Variants in NELL1 observed in about 807,000 individuals in gnomAD.
NELL1 encodes the protein protein kinase C-binding protein NELL1.
In NELL1, 76 loss-of-function variants were observed where a neutral mutation model predicts 107.4. The observed-to-expected ratio is 0.71, with a 90% confidence interval of 0.59 to 0.86. NELL1 has a LOEUF of 0.86. Ranked by LOEUF, NELL1 falls within the 40% of genes least tolerant of loss-of-function variation. The pLI, the probability that NELL1 is intolerant of heterozygous loss-of-function variation, is 0.00. For missense variants in NELL1, 1,024 were observed against 1,005.5 expected (o/e 1.02, Z -0.25); for synonymous variants, 353 against 341.2 (o/e 1.03, Z -0.38).
At chr11:20,970,618 G>T (rs1330810800) in intron 12 of NELL1, among the ~76,000 whole-genome samples, 5 of 152,130 alleles carry the variant, frequency 3.3e-5, no homozygotes, top group African/African-American at 1.2e-4. Context: ...AAGATGTTCT[G>T]CAAGAAGAGG....
intron 2 of NELL1, among the ~76,000 whole-genome samples, chr11:20,741,083 C>T: frequency 6.6e-6 from 1 of 151,848 alleles, no homozygotes; most frequent in Non-Finnish European, 1.5e-5. Context: ...TTTCTGGCCC[C>T]TCCCCCACCC....
chr11:21,114,956 G>A (rs927718521), intron 13 of NELL1, among the ~76,000 whole-genome samples: 1 of 151,918 alleles, frequency 6.6e-6, no homozygotes, highest in Non-Finnish European at 1.5e-5. Context: ...TTAGAAGAAG[G>A]CAGTGAATAT....
intron 12 of NELL1, among the ~76,000 whole-genome samples, chr11:21,011,507 T>C (rs1489202925): frequency 6.6e-6 from 1 of 152,142 alleles, no homozygotes; most frequent in Non-Finnish European, 1.5e-5. Flanking sequence ...CTTACACCTT[T>C]ATACCTCCAC....
intron 14 of NELL1, among the ~76,000 whole-genome samples, chr11:21,241,948 C>T (rs954450984): frequency 4.2e-5 from 6 of 141,972 alleles, no homozygotes; most frequent in South Asian, 2.3e-4. Flanking sequence ...TACAGCTAGA[C>T]GTTTACTTCC....
At chr11:21,161,846 C>T (rs929195572) in intron 13 of NELL1, among the ~76,000 whole-genome samples, 16 of 151,748 alleles carry the variant, frequency 1.1e-4, no homozygotes, top group Middle Eastern at 3.2e-3. Flanking sequence ...TTTGGATTAA[C>T]CCCATTTCAC....
chr11:21,303,667 C>G (rs906290934), intron 14 of NELL1, among the ~76,000 whole-genome samples: 3 of 152,028 alleles, frequency 2.0e-5, no homozygotes, highest in African/African-American at 7.2e-5. Flanking sequence ...CGTAGTTACT[C>G]AAAGGAAAAG....
intron 15 of NELL1, among the ~76,000 whole-genome samples, chr11:21,436,247 G>A (rs1853117436): frequency 6.6e-6 from 1 of 152,118 alleles, no homozygotes; most frequent in African/African-American, 2.4e-5. Flanking sequence ...TAGAGATGGG[G>A]TTTCACCATG....
At chr11:21,191,661 G>T (rs1254203786) in intron 13 of NELL1, among the ~76,000 whole-genome samples, 1 of 151,860 alleles carries the variant, frequency 6.6e-6, no homozygotes, top group African/African-American at 2.4e-5. Flanking sequence ...TTCCTCCTAT[G>T]GAGATTGTTT....
intron 3 of NELL1, among the ~76,000 whole-genome samples, chr11:20,837,401 G>T (rs758739361): frequency 1.3e-5 from 2 of 151,832 alleles, no homozygotes; most frequent in African/African-American, 4.8e-5. Context: ...AATATTTATA[G>T]ATATGTGTAT....
intron 14 of NELL1, among the ~76,000 whole-genome samples, chr11:21,243,370 A>C (rs1858412333): frequency 6.6e-6 from 1 of 152,106 alleles, no homozygotes; most frequent in Non-Finnish European, 1.5e-5. Context: ...TAGATGAGGT[A>C]GAAAATGATT....
chr11:21,337,837 T>TTTTCTTTCTTTCTTTTCTTTCTTTCTTTC (rs1565175603), intron 14 of NELL1, among the ~76,000 whole-genome samples: 7 of 86,612 alleles, frequency 8.1e-5, no homozygotes, highest in Admixed American at 1.2e-4. Flanking sequence ...TCTTTCTTTC[T>TTTTCTTTCTTTCTTTTCTTTCTTTCTTTC]TTTCTTTCTT....
chr11:20,693,454 C>T (rs1223931373), intron 2 of NELL1, among the ~76,000 whole-genome samples: 1 of 152,148 alleles, frequency 6.6e-6, no homozygotes, highest in Non-Finnish European at 1.5e-5. Flanking sequence ...TTAGTGCTTC[C>T]TTCAGGAGCT....
chr11:21,035,295 G>A (rs1341636094), intron 12 of NELL1, among the ~76,000 whole-genome samples: 2 of 151,988 alleles, frequency 1.3e-5, no homozygotes, highest in African/African-American at 2.4e-5. Flanking sequence ...TCTACCAGAT[G>A]TACAAAGAAG....
At chr11:20,864,283 A>G (rs1011358273) in intron 4 of NELL1, among the ~76,000 whole-genome samples, 1 of 152,234 alleles carries the variant, frequency 6.6e-6, no homozygotes, top group African/African-American at 2.4e-5. Flanking sequence ...TAACAGATGC[A>G]TTCTCTCACA....
At chr11:21,427,056 G>A (rs1257929320) in intron 15 of NELL1, among the ~76,000 whole-genome samples, 7 of 152,260 alleles carry the variant, frequency 4.6e-5, no homozygotes, top group South Asian at 2.1e-4. Flanking sequence ...CTGGTGGTGC[G>A]TGGGCCTGGA....
chr11:21,253,727 A>G (rs918242759), intron 14 of NELL1, among the ~76,000 whole-genome samples: 2 of 152,154 alleles, frequency 1.3e-5, no homozygotes, highest in African/African-American at 2.4e-5. Flanking sequence ...AATTCACTCT[A>G]TAATAGTCAG....
intron 14 of NELL1, among the ~76,000 whole-genome samples, chr11:21,316,773 C>G (rs2133657569): frequency 6.6e-6 from 1 of 152,228 alleles, no homozygotes; most frequent in South Asian, 2.1e-4. Flanking sequence ...CTGGCAGCTG[C>G]TCCTCACTGA....
At chr11:20,779,118 C>G (rs973333447) in intron 2 of NELL1, among the ~76,000 whole-genome samples, 1 of 152,156 alleles carries the variant, frequency 6.6e-6, no homozygotes, top group Admixed American at 6.5e-5. Context: ...ATCCTGGCTA[C>G]AACTGTAATT....
At chr11:21,357,522 A>G (rs939804780) in intron 14 of NELL1, among the ~76,000 whole-genome samples, 1 of 152,008 alleles carries the variant, frequency 6.6e-6, no homozygotes, top group African/African-American at 2.4e-5. Flanking sequence ...TTGCTGACTT[A>G]TTTGAGTTCC....
Sources: gnomAD v4.1 joint callset for allele counts (sites outside exome capture counted in the v4.1 genomes callset) on GRCh38, gnomAD v4.1.1 for gene constraint, MANE v1.5 for transcripts, NCBI Gene and HGNC (gene_info 2026-07-23, HGNC 2026-07-21) for gene names.